Variants in SHANK2 observed in about 807,000 individuals in gnomAD.
SHANK2 encodes SH3 and multiple ankyrin repeat domains protein 2.
Under a neutral mutation model 133.7 loss-of-function variants are expected in SHANK2, and 43 were observed. That is an observed-to-expected ratio of 0.32 (90% CI 0.25 to 0.41). The LOEUF (loss-of-function observed/expected upper bound fraction) is 0.41, where lower values mean the gene tolerates loss of function less well. Among genes scored for constraint, SHANK2 ranks in the 10% least tolerant of loss-of-function variants. The pLI is 1.00. For missense variants in SHANK2, 1,994 were observed against 2,235.8 expected (o/e 0.89, Z 2.18); for synonymous variants, 1,017 against 952.8 (o/e 1.07, Z -1.24).
At chr11:71,121,609 T>C (rs1400304142) in intron 3 of SHANK2, among the ~76,000 whole-genome samples, 4 of 152,196 alleles carry the variant, frequency 2.6e-5, no homozygotes, top group African/African-American at 9.7e-5. Context: ...GTTGCCATTG[T>C]TTTTGGTGTT....
intron 17 of SHANK2, among the ~76,000 whole-genome samples, chr11:70,643,622 T>A (rs1210334431): frequency 6.6e-6 from 1 of 151,602 alleles, no homozygotes; most frequent in African/African-American, 2.4e-5. Context: ...GGTTGGTCTG[T>A]GACCTGTGGT....
At chr11:71,116,841 C>A (rs1951989337) in intron 4 of SHANK2, among the ~76,000 whole-genome samples, 1 of 152,140 alleles carries the variant, frequency 6.6e-6, no homozygotes, top group Admixed American at 6.5e-5. Flanking sequence ...AACTACTCCT[C>A]CCCTGCTCGC....
chr11:70,513,331 G>A (rs782004120), intron 17 of SHANK2, among the ~76,000 whole-genome samples: 1 of 152,142 alleles, frequency 6.6e-6, no homozygotes, highest in African/African-American at 2.4e-5. Flanking sequence ...ATAGGTCTTT[G>A]GTTGATGTCT....
At chr11:70,887,519 A>G (rs1000543281) in intron 11 of SHANK2, among the ~76,000 whole-genome samples, 2 of 152,112 alleles carry the variant, frequency 1.3e-5, no homozygotes, top group African/African-American at 2.4e-5. Context: ...TGGGTTCTAC[A>G]GACCTCAGAG....
intron 14 of SHANK2, among the ~76,000 whole-genome samples, chr11:70,779,052 G>C (rs1555044557): frequency 6.6e-6 from 1 of 152,038 alleles, no homozygotes; most frequent in Non-Finnish European, 1.5e-5. Context: ...TGCTGGGAGG[G>C]GACGAGGAAG....
At chr11:70,752,964 T>C (rs537462054) in intron 14 of SHANK2, among the ~76,000 whole-genome samples, 1 of 151,630 alleles carries the variant, frequency 6.6e-6, no homozygotes, top group South Asian at 2.1e-4. Context: ...AAATATAAAA[T>C]TAGCTGGGTG....
intron 9 of SHANK2, among the ~76,000 whole-genome samples, chr11:71,061,536 G>T (rs1240757607): frequency 6.6e-6 from 1 of 152,132 alleles, no homozygotes; most frequent in Non-Finnish European, 1.5e-5. Context: ...TGGGGATACC[G>T]GGCTTAGTGG....
At chr11:71,222,990 C>T (rs1555121549) in intron 2 of SHANK2, among the ~76,000 whole-genome samples, 1 of 152,232 alleles carries the variant, frequency 6.6e-6, no homozygotes, top group African/African-American at 2.4e-5. Context: ...GGAGCCGTGT[C>T]ACCATCCCTC....
chr11:71,242,812 G>C (rs1461189108), intron 1 of SHANK2, among the ~76,000 whole-genome samples: 9 of 152,208 alleles, frequency 5.9e-5, no homozygotes, highest in African/African-American at 1.9e-4. Flanking sequence ...CATTCTCCAG[G>C]AGAGGCCTCA....
At chr11:70,810,361 G>T (rs1342705965) in intron 12 of SHANK2, among the ~76,000 whole-genome samples, 1 of 152,238 alleles carries the variant, frequency 6.6e-6, no homozygotes, top group Admixed American at 6.5e-5. Context: ...GCACAGGACC[G>T]AGAGCTGGGA....
intron 2 of SHANK2, among the ~76,000 whole-genome samples, chr11:71,163,028 G>A (rs868992129): frequency 1.9e-4 from 27 of 143,176 alleles, no homozygotes; most frequent in Middle Eastern, 3.8e-3. Context: ...AGCCGAGATC[G>A]CGCCACTGCA....
intron 17 of SHANK2, among the ~76,000 whole-genome samples, chr11:70,621,480 C>G (rs948093556): frequency 1.3e-5 from 2 of 152,350 alleles, no homozygotes; most frequent in East Asian, 3.9e-4. Flanking sequence ...CTGCCAGATG[C>G]ACACCAAAGG....
intron 2 of SHANK2, among the ~76,000 whole-genome samples, chr11:71,168,358 G>A (rs1286103892): frequency 2.0e-5 from 3 of 147,110 alleles, no homozygotes; most frequent in African/African-American, 7.7e-5. Flanking sequence ...GCCAGGCAGA[G>A]GGGCTCCTCA....
intron 2 of SHANK2, among the ~76,000 whole-genome samples, chr11:71,161,998 A>T (rs1200036856): frequency 6.6e-6 from 1 of 152,188 alleles, no homozygotes; most frequent in African/African-American, 2.4e-5. Flanking sequence ...TCCCTAAGCC[A>T]TTGCAACAGC....
intron 2 of SHANK2, among the ~76,000 whole-genome samples, chr11:71,176,160 T>C (rs541752514): frequency 2.6e-4 from 40 of 152,264 alleles, no homozygotes; most frequent in African/African-American, 9.1e-4. Context: ...TAATCAGACA[T>C]AGGCTGAACA....
chr11:70,790,062 C>T (rs1451597693), intron 14 of SHANK2, among the ~76,000 whole-genome samples: 2 of 152,262 alleles, frequency 1.3e-5, no homozygotes, highest in Non-Finnish European at 2.9e-5. Flanking sequence ...TAAACTGCCT[C>T]ATCCATGGGT....
chr11:70,489,023 C>A, intron 24 of SHANK2: 1 of 386,412 alleles, frequency 2.6e-6, no homozygotes, highest in Non-Finnish European at 4.8e-6. Context: ...TGGGAGCATG[C>A]AGGTTTTCAA....
At chr11:70,747,806 G>T (rs1946672043) in intron 14 of SHANK2, among the ~76,000 whole-genome samples, 1 of 152,228 alleles carries the variant, frequency 6.6e-6, no homozygotes, top group African/African-American at 2.4e-5. Context: ...GTGCATGTTT[G>T]TGAGTGTCCA....
intron 5 of SHANK2, among the ~76,000 whole-genome samples, chr11:71,110,543 C>G (rs1483915375): frequency 6.6e-6 from 1 of 152,182 alleles, no homozygotes; most frequent in Non-Finnish European, 1.5e-5. Context: ...CTGCAGTGAG[C>G]TGTGTTCATG....
Sources: gnomAD v4.1 joint callset for allele counts (sites outside exome capture counted in the v4.1 genomes callset) on GRCh38, gnomAD v4.1.1 for gene constraint, MANE v1.5 for transcripts, NCBI Gene and HGNC (gene_info 2026-07-23, HGNC 2026-07-21) for gene names.